PKD1L3: variants seen among roughly 807,000 people sequenced by gnomAD.
The protein encoded by PKD1L3 is polycystin 1 like 3, transient receptor potential channel interacting.
PKD1L3 carries 239 observed loss-of-function variants against 184.1 expected under a neutral mutation model. The observed-to-expected ratio is 1.30, with a 90% CI of 1.17 to 1.45. The LOEUF (loss-of-function observed/expected upper bound fraction) is 1.45. Among genes scored for constraint, PKD1L3 ranks in the 40% most tolerant of loss-of-function variants. The pLI, the probability that PKD1L3 is intolerant of heterozygous loss-of-function variation, is 0.00. For synonymous variants in PKD1L3, 996 were observed against 778.8 expected, an observed-to-expected ratio of 1.28 and a Z score of -4.64; for missense variants, 2,660 against 2,067.2, an observed-to-expected ratio of 1.29 and a Z score of -5.56.
intron 2 of PKD1L3, among the ~76,000 whole-genome samples, chr16:71,994,309 C>T (rs953942383): frequency 6.6e-6 from 1 of 152,174 alleles, no homozygotes; most frequent in African/African-American, 2.4e-5. Context: ...GAGCCTCCCT[C>T]AGTCTCATTC....
At chr16:71,987,065 C>T (rs937066752) in intron 4 of PKD1L3, among the ~76,000 whole-genome samples, 19 of 151,300 alleles carry the variant, frequency 1.3e-4, no homozygotes, top group African/African-American at 3.4e-4. Context: ...GCTGGGATTA[C>T]AGGCGTGCAC....
chr16:71,952,244 G>A, intron 18 of PKD1L3, among the ~76,000 whole-genome samples: 1 of 107,718 alleles, frequency 9.3e-6, no homozygotes, highest in South Asian at 3.0e-4. Flanking sequence ...GTCTTGCTCT[G>A]TCTCTGTTGC....
chr16:71,986,914 A>ATTTTTTTTTTTTTTTTTT (rs71153694), intron 4 of PKD1L3, among the ~76,000 whole-genome samples: 2 of 81,366 alleles, frequency 2.5e-5, no homozygotes, highest in African/African-American at 1.1e-4. Flanking sequence ...TAAGGAGAGG[A>ATTTTTTTTTTTTTTTTTT]TTTTTTTTTT....
At position 71,980,141 on chromosome 16, in the gene PKD1L3, G is replaced by T. The variant is rs1405195537; in HGVS notation, c.1144-7C>A. 2.1e-5 allele frequency: 33 copies of T among 1,551,064 alleles called. No individual in the cohort carries two copies. The highest frequency in any genetic ancestry group is 2.9e-5 in the Non-Finnish European group (33 of 1,146,622). ...TTTCCAGGATGTCTTCTACCTGCAT[G>T]GAAAGGAAAACAGTGTGTGACTTGT... On this transcript the variant is annotated splice_polypyrimidine_tract_variant and splice_region_variant and intron_variant, in intron 7 of 29. Coordinates refer to ENST00000620267, the MANE Select transcript of PKD1L3 (RefSeq NM_181536.2).
Position 71,953,015 on chromosome 16 carries a change from A to G in PKD1L3, c.2888T>C (p.Val963Ala). 6.5e-7 allele frequency: 1 copy of G among 1,549,170 alleles called. No individual in the cohort carries two copies. The change falls in exon 18 of 30, where the codon GTC (valine) becomes GCC (alanine). Residue 963 changes from valine (V) to alanine (A), a missense_variant. Coordinates refer to ENST00000620267, the MANE Select transcript of PKD1L3 (RefSeq NM_181536.2). ...AATCAACGGGAAGAGCCGCCCTATGACAAGATTGATTGGGAAGAGGATGAC... is the reference window on the plus strand; with the variant it reads ...AATCAACGGGAAGAGCCGCCCTATGGCAAGATTGATTGGGAAGAGGATGAC... ...TAVILFPINLVIGRLFPLIEP... is the reference protein window; with the variant it reads ...TAVILFPINLAIGRLFPLIEP...
intron 22 of PKD1L3, among the ~76,000 whole-genome samples, chr16:71,946,915 A>AGAGAGAGAAAGG (rs1313605739): frequency 8.6e-5 from 12 of 140,236 alleles, no homozygotes; most frequent in Non-Finnish European, 1.4e-4. Flanking sequence ...GGGGAGAGAG[A>AGAGAGAGAAAGG]GAGAGAGAAA....
intron 2 of PKD1L3, among the ~76,000 whole-genome samples, chr16:71,995,607 G>A (rs1345107105): frequency 2.0e-5 from 3 of 152,150 alleles, no homozygotes; most frequent in Non-Finnish European, 4.4e-5. Context: ...CATGGAGATT[G>A]TTGTTATTTG....
At chr16:71,940,212 G>T (rs1450494095) in intron 24 of PKD1L3, among the ~76,000 whole-genome samples, 2 of 152,100 alleles carry the variant, frequency 1.3e-5, no homozygotes, top group Non-Finnish European at 2.9e-5. Flanking sequence ...ACCACCCCAT[G>T]ACTAAAGGTT....
intron 11 of PKD1L3, among the ~76,000 whole-genome samples, chr16:71,976,844 G>A (rs527839521): frequency 2.0e-3 from 300 of 152,178 alleles, no homozygotes; most frequent in African/African-American, 6.9e-3. Context: ...CCAGGTTCAG[G>A]ACATTTTCCT....
intron 2 of PKD1L3, among the ~76,000 whole-genome samples, chr16:71,997,207 A>G (rs956590608): frequency 1.3e-5 from 2 of 152,000 alleles, no homozygotes; most frequent in African/African-American, 2.4e-5. Context: ...GCATCCATAT[A>G]CATAGTTTTA....
intron 16 of PKD1L3, among the ~76,000 whole-genome samples, chr16:71,961,858 C>T (rs1402429271): frequency 6.6e-6 from 1 of 152,146 alleles, no homozygotes; most frequent in Non-Finnish European, 1.5e-5. Flanking sequence ...CAAAGAAATA[C>T]ACATTTCTTG....
intron 3 of PKD1L3, among the ~76,000 whole-genome samples, chr16:71,990,994 A>G (rs372645428): frequency 3.3e-5 from 5 of 152,364 alleles, no homozygotes; most frequent in African/African-American, 1.2e-4. Context: ...TTATGAGTGA[A>G]GAACACAGAA....
At chr16:71,935,098 C>T (rs1470566611) in intron 26 of PKD1L3, among the ~76,000 whole-genome samples, 3 of 152,214 alleles carry the variant, frequency 2.0e-5, no homozygotes, top group Non-Finnish European at 2.9e-5. Context: ...CAATTCCAGG[C>T]CCTTCTGAAA....
At chr16:71,964,522 A>G (rs2143550492) in intron 15 of PKD1L3, among the ~76,000 whole-genome samples, 1 of 151,064 alleles carries the variant, frequency 6.6e-6, no homozygotes, top group Middle Eastern at 3.5e-3. Context: ...TATTTTTAGT[A>G]GAGATGGGGT....
At chr16:71,942,407 A>G (rs1722873803) in intron 24 of PKD1L3, among the ~76,000 whole-genome samples, 153 bp downstream of exon 24, 1 of 150,924 alleles carries the variant, frequency 6.6e-6, no homozygotes, top group South Asian at 2.1e-4. Context: ...TGGGAGAATA[A>G]AAACACTTTT....
At chr16:71,973,957 G>C (rs906959120) in intron 11 of PKD1L3, among the ~76,000 whole-genome samples, 1 of 149,960 alleles carries the variant, frequency 6.7e-6, no homozygotes, top group African/African-American at 2.5e-5. Context: ...AGCCGAAATC[G>C]CACCACTATA....
At chr16:71,940,396 C>G (rs897432386) in intron 24 of PKD1L3, among the ~76,000 whole-genome samples, 1 of 152,116 alleles carries the variant, frequency 6.6e-6, no homozygotes, top group Non-Finnish European at 1.5e-5. Context: ...CTCATATACT[C>G]AAGATTGGAG....
intron 10 of PKD1L3, 32 bp downstream of exon 10, chr16:71,978,223 T>G (rs994338482): frequency 1.3e-6 from 2 of 1,537,826 alleles, no homozygotes; most frequent in African/African-American, 2.7e-5. Context: ...TCCCATTCTC[T>G]TCTATTTTAT....
At chr16:71,983,663 C>CTTTTTTTTTTTTTTTTT (rs1180950058) in intron 6 of PKD1L3, among the ~76,000 whole-genome samples, 5 of 100,338 alleles carry the variant, frequency 5.0e-5, no homozygotes, top group African/African-American at 1.6e-4. Context: ...GATTCTCTTT[C>CTTTTTTTTTTTTTTTTT]TTTTTTTTTT....
Sources: allele counts gnomAD v4.1 joint callset (sites outside exome capture counted in the v4.1 genomes callset), GRCh38; gene constraint gnomAD v4.1.1; transcripts MANE v1.5; gene names NCBI Gene and HGNC (gene_info 2026-07-23, HGNC 2026-07-21).